PPP1R17: variants seen among roughly 807,000 people sequenced by gnomAD.
The protein encoded by PPP1R17 is G-substrate.
In PPP1R17, 12 loss-of-function variants were observed where a neutral mutation model predicts 15.9. The ratio of observed to expected loss-of-function variants is 0.75; its 90% CI spans 0.48 to 1.22. The LOEUF is 1.22. Among genes scored for constraint, PPP1R17 ranks in the 50% most tolerant of loss-of-function variants. PPP1R17 has a pLI of 0.00. For synonymous variants in PPP1R17, 63 were observed against 64.5 expected (o/e 0.98, Z 0.11); for missense variants, 211 against 187.3 (o/e 1.13, Z -0.74).
chr7:31,695,126 G>A (rs899090017), intron 2 of PPP1R17, among the ~76,000 whole-genome samples: 7 of 143,290 alleles, frequency 4.9e-5, no homozygotes, highest in Non-Finnish European at 9.0e-5. Context: ...GAATGGAGGC[G>A]CGTTTAGCAG....
rs895770416 is a variant in PPP1R17 at position 31,697,613 on chromosome 7, C to T, written c.388+496C>T. ...AGCACAGCCCCAGTCTGTAAAGGAG[C>T]TGCTCTGTGAGATACAGTCCTTGTC... On this transcript the variant is annotated intron_variant, in intron 4 of 4. Transcript: ENST00000342032. Among the ~76,000 whole-genome samples the T allele has an allele frequency of 5.3e-5, 8 of 151,906 alleles. No individual in the cohort carries two copies. The East Asian group carries it at 1.3e-3, about 26-fold the overall frequency.
At chr7:31,687,838 A>C (rs767342930) in intron 1 of PPP1R17, among the ~76,000 whole-genome samples, 40 of 152,344 alleles carry the variant, frequency 2.6e-4, no homozygotes, top group Non-Finnish European at 4.3e-4. Flanking sequence ...CTGTGGATAC[A>C]ACCTTCTACC....
At chr7:31,694,314 G>T (rs1486669833) in intron 2 of PPP1R17, among the ~76,000 whole-genome samples, 2 of 151,602 alleles carry the variant, frequency 1.3e-5, no homozygotes, top group Non-Finnish European at 2.9e-5. Context: ...AATATTTTGG[G>T]ACATCTGAAG....
chr7:31,692,538 G>A lies in PPP1R17; in HGVS notation c.82+15G>A, dbSNP rs746294720. 9 of 1,575,746 alleles carry A rather than the reference G, an allele frequency of 5.7e-6. No individual in the cohort carries two copies. The highest frequency in any genetic ancestry group is 2.7e-5 in the African/African-American group (2 of 73,906). On this transcript the variant is annotated intron_variant, in intron 2 of 4. Transcript: ENST00000342032. ...CAGCCACTTAGGTAAACAAATGATC[G>A]ATTGTGAATGTCAGTGGTGGAAGTC...
intron 2 of PPP1R17, among the ~76,000 whole-genome samples, chr7:31,693,190 C>A (rs1792431139): frequency 6.6e-6 from 1 of 152,110 alleles, no homozygotes; most frequent in African/African-American, 2.4e-5. Flanking sequence ...TTCAAGATTT[C>A]TCCAAAAATG....
At chr7:31,692,819 T>C (rs1792415489) in intron 2 of PPP1R17, among the ~76,000 whole-genome samples, 2 of 152,236 alleles carry the variant, frequency 1.3e-5, no homozygotes, top group African/African-American at 2.4e-5. Context: ...CAGAGCATTT[T>C]TGAGGCAATA....
intron 1 of PPP1R17, 70 bp from the exon 2 acceptor site, chr7:31,692,336 T>A: frequency 1.1e-6 from 1 of 922,462 alleles, no homozygotes; most frequent in Non-Finnish European, 1.7e-6. Context: ...CAAATATATT[T>A]ACTTAGCAAA....
At chr7:31,694,368 G>GCTCT (rs58613705) in intron 2 of PPP1R17, among the ~76,000 whole-genome samples, 1 of 119,482 alleles carries the variant, frequency 8.4e-6, no homozygotes, top group South Asian at 2.7e-4. Context: ...AACAATTTTA[G>GCTCT]CTCTCTCTCT....
rs1792540558 is a variant in PPP1R17 at position 31,695,520 on chromosome 7, GA to G, written c.137del (p.Lys46ArgfsTer9). 2 of 1,613,280 alleles carry G rather than the reference GA, an allele frequency of 1.2e-6. No homozygotes were observed. Among genetic ancestry groups the G allele is most frequent in the Non-Finnish European group, 1.7e-6 (2 of 1,179,734 alleles). Reference sequence around the variant, plus strand: ...GACTGTGATCTCAAAAAGAAGCCTAGAAAGGGAAAAAATGTACAGGCCACCC... The same window carrying G: ...GACTGTGATCTCAAAAAGAAGCCTAGAAGGGAAAAAATGTACAGGCCACCC... ...IKDCDLKKKPRKGKNVQATLN... is the reference protein window; with the variant it reads ...IKDCDLKKKPXKGKNVQATLN... On this transcript the variant is annotated frameshift_variant, in exon 3 of 5. Transcript: ENST00000342032. LOFTEE classifies it high-confidence loss of function.
At chr7:31,700,913 C>A (rs1399974447) in intron 4 of PPP1R17, among the ~76,000 whole-genome samples, 1 of 152,128 alleles carries the variant, frequency 6.6e-6, no homozygotes, top group Non-Finnish European at 1.5e-5. Flanking sequence ...CAAAAAAAGA[C>A]CCTTTTCAAA....
At chr7:31,688,987 G>A (rs1411178313) in intron 1 of PPP1R17, among the ~76,000 whole-genome samples, 1 of 152,208 alleles carries the variant, frequency 6.6e-6, no homozygotes, top group African/African-American at 2.4e-5. Flanking sequence ...TGAATTTTTT[G>A]TGGTTTGTCT....
At chr7:31,692,295 T>C (rs1562694699) in intron 1 of PPP1R17, 111 bp from the exon 2 acceptor site, 4 of 622,656 alleles carry the variant, frequency 6.4e-6, no homozygotes, top group East Asian at 5.8e-5. Context: ...AGAAACAGGA[T>C]TGGATTGGGA....
At chr7:31,705,067 G>A (rs76696363) in intron 4 of PPP1R17, among the ~76,000 whole-genome samples, 6,775 of 152,162 alleles carry the variant, frequency 0.045, 533 homozygotes, top group African/African-American at 0.15. Flanking sequence ...ATTCTTAACT[G>A]TATTAATATA....
chr7:31,695,412 T>C (rs1289706285), intron 2 of PPP1R17, 57 bp from the exon 3 acceptor site: 27 of 1,503,216 alleles, frequency 1.8e-5, no homozygotes, highest in Non-Finnish European at 2.4e-5. Context: ...AAACAGTTTG[T>C]GACTGGATCC....
At chr7:31,704,315 C>T (rs576965523) in intron 4 of PPP1R17, among the ~76,000 whole-genome samples, 8 of 152,178 alleles carry the variant, frequency 5.3e-5, no homozygotes, top group African/African-American at 1.9e-4. Flanking sequence ...ATGTAATGTG[C>T]ATGAACTATT....
At chr7:31,706,110 T>A (rs1323797427) in intron 4 of PPP1R17, among the ~76,000 whole-genome samples, 1 of 148,204 alleles carries the variant, frequency 6.7e-6, no homozygotes, top group Non-Finnish European at 1.5e-5. Flanking sequence ...ATTCAAGGGA[T>A]TCTTCTGTCT....
chr7:31,691,754 G>T (rs1056969262), intron 1 of PPP1R17, among the ~76,000 whole-genome samples: 2 of 137,630 alleles, frequency 1.5e-5, no homozygotes, highest in African/African-American at 5.3e-5. Flanking sequence ...TGGATGGGGA[G>T]GTAGTCTCTT....
intron 2 of PPP1R17, among the ~76,000 whole-genome samples, chr7:31,693,930 C>T (rs1351066231): frequency 2.6e-5 from 4 of 152,154 alleles, no homozygotes; most frequent in African/African-American, 4.8e-5. Context: ...CAAACTATAT[C>T]CAGGCCATAC....
intron 1 of PPP1R17, among the ~76,000 whole-genome samples, chr7:31,688,991 T>G (rs1477039150): frequency 1.3e-5 from 2 of 152,226 alleles, no homozygotes; most frequent in Non-Finnish European, 2.9e-5. Context: ...TTTTTTGTGG[T>G]TTGTCTTTAT....
Sources: gnomAD v4.1 joint callset for allele counts (sites outside exome capture counted in the v4.1 genomes callset) on GRCh38, gnomAD v4.1.1 for gene constraint, MANE v1.5 for transcripts, NCBI Gene and HGNC (gene_info 2026-07-23, HGNC 2026-07-21) for gene names.